TRMT1L: variants seen among roughly 807,000 people sequenced by gnomAD.
TRMT1L encodes the protein tRNA (guanine(27)-N(2))-dimethyltransferase.
Under a neutral mutation model 81.6 loss-of-function variants are expected in TRMT1L, and 28 were observed. The ratio of observed to expected loss-of-function variants is 0.34; its 90% confidence interval spans 0.25 to 0.47. TRMT1L has a LOEUF of 0.47. TRMT1L is among the 20% of genes least tolerant of loss of function. TRMT1L has a pLI of 1.00. For synonymous variants in TRMT1L, 301 were observed against 303.2 expected (o/e 0.99, Z 0.07); for missense variants, 739 against 877.1 (o/e 0.84, Z 1.99).
At chr1:185,151,011 C>A (rs913256006) in intron 2 of TRMT1L, among the ~76,000 whole-genome samples, 1 of 152,112 alleles carries the variant, frequency 6.6e-6, no homozygotes, top group South Asian at 2.1e-4. Context: ...TGAGACGGGG[C>A]GCATAGTTAC....
At chr1:185,144,173 T>C in intron 5 of TRMT1L, 144 bp from the exon 6 acceptor site, 2 of 955,892 alleles carry the variant, frequency 2.1e-6, no homozygotes, top group Non-Finnish European at 1.5e-6. Flanking sequence ...TTTGTGTTAA[T>C]GCAAACGGTT....
chr1:185,149,422 CCTCTCTAGCAGT>C (rs946296559), intron 3 of TRMT1L, among the ~76,000 whole-genome samples: 12 of 151,926 alleles, frequency 7.9e-5, no homozygotes, highest in African/African-American at 2.9e-4. Flanking sequence ...ACCACCTGAG[CCTCTCTAGCAGT>C]TGCAACTACA....
Position 185,143,147 on chromosome 1 carries a change from T to C in TRMT1L, c.859+210A>G, listed in dbSNP as rs184330726. ...AGGACAATGAGAAAACGACTGAGCATGAACCACTCATTTTTGAAGTAAGCG... is the reference window on the plus strand; with the variant it reads ...AGGACAATGAGAAAACGACTGAGCACGAACCACTCATTTTTGAAGTAAGCG... On this transcript the variant is annotated intron_variant, in intron 7 of 14. Coordinates refer to ENST00000367506, the MANE Select transcript of TRMT1L (RefSeq NM_030934.5). Among the ~76,000 whole-genome samples, 64 of 152,290 alleles carry C rather than the reference T, an allele frequency of 4.2e-4. No homozygotes were observed. The East Asian group carries it at 0.01, about 24-fold the overall frequency.
chr1:185,139,001 G>A (rs559129041), intron 9 of TRMT1L, among the ~76,000 whole-genome samples: 2 of 152,186 alleles, frequency 1.3e-5, no homozygotes, highest in East Asian at 3.9e-4. Context: ...TTGGCCAGGA[G>A]TCTTGTTTCA....
Position 185,140,158 on chromosome 1 carries a change from C to T in TRMT1L, c.924G>A (p.Leu308=). The change falls in exon 8 of 15, where the codon TTG becomes TTA. Residue 308 remains leucine (L), a synonymous_variant. Transcript: ENST00000367506. ...GNAVKVTIND[L]NENSVTLIQE... The stretch of plus-strand genomic sequence containing the variant: ...GAATCAGTGTCACAGAATTTTCATT[C>T]AAGTCATTGATTGTAACTTTGACTG... 6.2e-7 allele frequency: 1 copy of T among 1,613,724 alleles called. No homozygotes were observed. The highest frequency in any genetic ancestry group is 8.5e-7 in the Non-Finnish European group (1 of 1,179,818).
At chr1:185,139,614 A>G (rs774674411) in intron 8 of TRMT1L, 35 bp from the exon 9 acceptor site, 9 of 1,467,104 alleles carry the variant, frequency 6.1e-6, no homozygotes, top group East Asian at 2.3e-5. Context: ...TTTTAAAGTC[A>G]TATTAGTAAC....
Position 185,139,470 on chromosome 1 carries a change from C to T in TRMT1L, c.1219G>A (p.Ala407Thr). Residue 407 changes from alanine to threonine, a missense_variant, in exon 9 of 15, where the codon GCC becomes ACC. Physicochemically the swap from Ala to Thr is moderately conservative, Grantham distance 58. Coordinates refer to ENST00000367506, the MANE Select transcript of TRMT1L (RefSeq NM_030934.5). ...CGCCGGGCAACATGCTGTGCCTTGG[C>T]ATATAAAGAACTGATATCTGTAGAA... Reference protein sequence around the residue: ...VTSTDISSLYAKAQHVARRHY... With the variant: ...VTSTDISSLYTKAQHVARRHY... 1 of 1,614,086 alleles carries T rather than the reference C, an allele frequency of 6.2e-7. No individual in the cohort carries two copies. The highest frequency in any genetic ancestry group is 8.5e-7 in the Non-Finnish European group (1 of 1,180,006).
At chr1:185,147,295 G>A (rs201006982) in intron 3 of TRMT1L, 49 bp from the exon 4 acceptor site, 1 of 1,396,796 alleles carries the variant, frequency 7.2e-7, no homozygotes, top group African/African-American at 1.4e-5. Flanking sequence ...TAAATATTCA[G>A]TTATCAAAAA....
At chr1:185,157,456 G>T (rs1173217427), upstream of TRMT1L, 2 of 152,664 alleles carry the variant, frequency 1.3e-5, no homozygotes, top group Non-Finnish European at 2.9e-5. Context: ...CTGTGGGCGG[G>T]TCCGGGGACG....
chr1:185,134,372 A>G (rs1309321496), intron 10 of TRMT1L, among the ~76,000 whole-genome samples: 1 of 152,036 alleles, frequency 6.6e-6, no homozygotes, highest in Non-Finnish European at 1.5e-5. Flanking sequence ...TTGTACTTTT[A>G]GTAGAGATGG....
intron 3 of TRMT1L, among the ~76,000 whole-genome samples, chr1:185,149,760 T>TG (rs1653290653): frequency 6.6e-6 from 1 of 152,196 alleles, no homozygotes; most frequent in Admixed American, 6.5e-5. Flanking sequence ...TAGGAAGCCC[T>TG]TTAACTTGAA....
rs754425762 is a variant in TRMT1L at position 185,140,119 on chromosome 1, A to G, written c.963T>C (p.His321=). Residue 321 remains histidine, a synonymous_variant, in exon 8 of 15, where the codon CAT becomes CAC. Coordinates refer to ENST00000367506, the MANE Select transcript of TRMT1L (RefSeq NM_030934.5). ...NSVTLIQENC[H]LNKLKVVVDS... ...CCACCACCACTTTCAATTTGTTTAA[A>G]TGGCAGTTTTCCTGAATCAGTGTCA... The G allele has an allele frequency of 4.3e-6, 7 of 1,613,728 alleles. No homozygotes were observed. Among genetic ancestry groups the G allele is most frequent in the Non-Finnish European group, 4.2e-6 (5 of 1,179,894 alleles).
intron 1 of TRMT1L, among the ~76,000 whole-genome samples, chr1:185,155,981 T>C (rs906864373): frequency 3.9e-5 from 6 of 152,170 alleles, no homozygotes; most frequent in African/African-American, 1.4e-4. Context: ...AAAAGAAAAC[T>C]GAAATGAGAA....
At chr1:185,140,668 T>C (rs1045314467) in intron 7 of TRMT1L, among the ~76,000 whole-genome samples, 9 of 151,614 alleles carry the variant, frequency 5.9e-5, no homozygotes, top group Admixed American at 6.6e-5. Context: ...CACAATAGCA[T>C]TGTTGTGAAT....
chr1:185,134,690 A>G (rs957930447), intron 10 of TRMT1L, among the ~76,000 whole-genome samples: 36 of 152,270 alleles, frequency 2.4e-4, no homozygotes, highest in African/African-American at 8.4e-4. Context: ...AAGAAAAATT[A>G]TAAGAACTTC....
intron 5 of TRMT1L, among the ~76,000 whole-genome samples, chr1:185,144,943 G>A (rs941044325): frequency 6.6e-6 from 1 of 151,558 alleles, no homozygotes; most frequent in Non-Finnish European, 1.5e-5. Flanking sequence ...ATGGTACGTA[G>A]TGCCATTCTG....
chr1:185,140,111 T>C lies in TRMT1L; in HGVS notation c.971A>G (p.Lys324Arg). 1 of 1,613,858 alleles carries C rather than the reference T, an allele frequency of 6.2e-7. No homozygotes were observed. Among genetic ancestry groups the C allele is most frequent in the Non-Finnish European group, 8.5e-7 (1 of 1,179,874 alleles). ...CTTACTGTCCACCACCACTTTCAAT[T>C]TGTTTAAATGGCAGTTTTCCTGAAT... ...TLIQENCHLNKLKVVVDSKEK... is the reference protein window; with the variant it reads ...TLIQENCHLNRLKVVVDSKEK... The change falls in exon 8 of 15, where the codon AAA becomes AGA. Residue 324 changes from lysine to arginine, a missense_variant. Around this residue, in one of 4 missense-constraint regions of TRMT1L, gnomAD observed 331 missense variants for 462.2 expected, o/e 0.72. Transcript: ENST00000367506.
chr1:185,135,766 T>C (rs530621686), intron 10 of TRMT1L, among the ~76,000 whole-genome samples: 1 of 152,160 alleles, frequency 6.6e-6, no homozygotes, highest in East Asian at 1.9e-4. Flanking sequence ...AGTAAACTGA[T>C]AGATCAAAGC....
At chr1:185,122,718 T>C (rs1042152994) in intron 13 of TRMT1L, among the ~76,000 whole-genome samples, 2 of 144,112 alleles carry the variant, frequency 1.4e-5, no homozygotes, top group African/African-American at 5.3e-5. Flanking sequence ...ACAGTCTCGA[T>C]CTGTCACCCA....
Sources: gnomAD v4.1 joint callset for allele counts (sites outside exome capture counted in the v4.1 genomes callset) on GRCh38, gnomAD v4.1.1 for gene constraint, gnomAD v4.1.1 regional missense constraint, MANE v1.5 for transcripts, NCBI Gene and HGNC (gene_info 2026-07-23, HGNC 2026-07-21) for gene names.